The following LRBA variants were observed in gnomAD, a reference collection of about 807,000 sequenced individuals.
The protein encoded by LRBA is LPS responsive beige-like anchor protein.
LRBA carries 176 observed loss-of-function variants against 330.0 expected under a neutral mutation model. The ratio of observed to expected loss-of-function variants is 0.53; its 90% CI spans 0.47 to 0.60. The LOEUF is 0.60. LRBA is among the 20% of genes least tolerant of loss of function. LRBA has a pLI of 0.00. For missense variants in LRBA, 3,259 were observed against 3,444.8 expected (o/e 0.95, Z 1.35); for synonymous variants, 1,230 against 1,193.0 (o/e 1.03, Z -0.64).
intron 2 of LRBA, among the ~76,000 whole-genome samples, chr4:150,983,691 G>A (rs1292297157): frequency 6.6e-6 from 1 of 151,632 alleles, no homozygotes; most frequent in Non-Finnish European, 1.5e-5. Context: ...CTGTCCTCAG[G>A]TGATCCGCCT....
At chr4:150,287,161 C>T (rs985983276) in intron 53 of LRBA, among the ~76,000 whole-genome samples, 4 of 152,130 alleles carry the variant, frequency 2.6e-5, no homozygotes, top group Non-Finnish European at 5.9e-5. Context: ...GGAAGAGAAT[C>T]GCTTGTATCT....
At chr4:150,946,826 A>G (rs1195185137) in intron 2 of LRBA, among the ~76,000 whole-genome samples, 1 of 151,966 alleles carries the variant, frequency 6.6e-6, no homozygotes, top group Non-Finnish European at 1.5e-5. Flanking sequence ...AAAATTGACA[A>G]ACCTTGGCAG....
At chr4:150,994,216 T>C (rs1471973365) in intron 2 of LRBA, among the ~76,000 whole-genome samples, 1 of 151,952 alleles carries the variant, frequency 6.6e-6, no homozygotes, top group Non-Finnish European at 1.5e-5. Context: ...CCACCACCAC[T>C]ACCACTACCA....
Position 150,444,261 on chromosome 4 carries a change from C to T in LRBA, c.6781-7397G>A, listed in dbSNP as rs80352245. ...TTTTCTTTTCTATCTTTTCCATGAACCCAAATGAGAGCCCTTAATTTTCTG... is the reference window on the plus strand; with the variant it reads ...TTTTCTTTTCTATCTTTTCCATGAATCCAAATGAGAGCCCTTAATTTTCTG... On this transcript the variant is annotated intron_variant, in intron 44 of 56. Coordinates refer to ENST00000651943, the MANE Select transcript of LRBA (RefSeq NM_001364905.1). Among the ~76,000 whole-genome samples the T allele has an allele frequency of 1.5e-3, 231 of 151,986 alleles. 4 individuals are homozygous for T. The highest frequency in any genetic ancestry group is 5.5e-3 in the African/African-American group (226 of 41,448).
At chr4:150,288,578 G>A (rs1748458204) in intron 53 of LRBA, among the ~76,000 whole-genome samples, 1 of 152,128 alleles carries the variant, frequency 6.6e-6, no homozygotes, top group African/African-American at 2.4e-5. Context: ...AACAGAGCGA[G>A]ACTCCGTCTC....
At chr4:150,587,255 AAT>A (rs1772224586) in intron 40 of LRBA, among the ~76,000 whole-genome samples, 1 of 152,208 alleles carries the variant, frequency 6.6e-6, no homozygotes, top group Admixed American at 6.5e-5. Flanking sequence ...AAAAACTCAA[AAT>A]ATGTGTATGT....
At chr4:150,532,662 A>C (rs1215929483) in intron 40 of LRBA, among the ~76,000 whole-genome samples, 2 of 152,112 alleles carry the variant, frequency 1.3e-5, no homozygotes, top group Non-Finnish European at 2.9e-5. Context: ...TGCAAGCCCT[A>C]TTAGTGAAAA....
chr4:150,516,957 T>C (rs1762423366), intron 40 of LRBA, among the ~76,000 whole-genome samples: 1 of 152,176 alleles, frequency 6.6e-6, no homozygotes, highest in African/African-American at 2.4e-5. Context: ...AAATAAGACT[T>C]TGAAATCCAA....
intron 40 of LRBA, among the ~76,000 whole-genome samples, chr4:150,511,349 T>A (rs540858243): frequency 6.6e-6 from 1 of 152,376 alleles, no homozygotes; most frequent in Admixed American, 6.5e-5. Context: ...CTACTTCACT[T>A]GACTCTATCT....
intron 46 of LRBA, among the ~76,000 whole-genome samples, chr4:150,429,619 A>G (rs183037355): frequency 1.3e-5 from 2 of 152,284 alleles, no homozygotes; most frequent in Admixed American, 6.5e-5. Flanking sequence ...AGGGAGTCAG[A>G]TATCAGGAGA....
chr4:150,842,163 A>G (rs1373430310), intron 28 of LRBA, among the ~76,000 whole-genome samples: 2 of 152,216 alleles, frequency 1.3e-5, no homozygotes, highest in Non-Finnish European at 2.9e-5. Flanking sequence ...TTGTAATATA[A>G]TAACTGGTTA....
chr4:150,647,815 A>G (rs1779305862), intron 37 of LRBA, among the ~76,000 whole-genome samples: 1 of 152,002 alleles, frequency 6.6e-6, no homozygotes, highest in African/African-American at 2.4e-5. Flanking sequence ...AGACCCCTCC[A>G]TAATCGAGAT....
chr4:150,544,953 A>G (rs1018623419), intron 40 of LRBA, among the ~76,000 whole-genome samples: 2 of 152,208 alleles, frequency 1.3e-5, no homozygotes, highest in Non-Finnish European at 2.9e-5. Flanking sequence ...GTGAATCTGG[A>G]GTCAGAACCC....
At chr4:150,488,256 T>C (rs1581457811) in intron 41 of LRBA, among the ~76,000 whole-genome samples, 1 of 151,736 alleles carries the variant, frequency 6.6e-6, no homozygotes, top group African/African-American at 2.4e-5. Context: ...TTTAAGTTTA[T>C]GTAGTTAAAC....
chr4:150,838,552 C>T (rs1169410660), intron 28 of LRBA, among the ~76,000 whole-genome samples: 1 of 152,204 alleles, frequency 6.6e-6, no homozygotes, highest in Non-Finnish European at 1.5e-5. Context: ...GATCTTCAAT[C>T]ACTGACACCC....
intron 34 of LRBA, among the ~76,000 whole-genome samples, chr4:150,775,805 G>GAAAAAAAAAAAA (rs35161747): frequency 1.0e-4 from 6 of 59,980 alleles, no homozygotes; most frequent in Non-Finnish European, 1.3e-4. Flanking sequence ...AAGAAAGAAT[G>GAAAAAAAAAAAA]AAAAAAAAAA....
At chr4:150,325,303 G>A (rs947454257) in intron 49 of LRBA, among the ~76,000 whole-genome samples, 1 of 152,118 alleles carries the variant, frequency 6.6e-6, no homozygotes, top group Non-Finnish European at 1.5e-5. Context: ...ATACATGATT[G>A]TTTTAAGCCA....
chr4:150,538,549 T>C (rs563887393), intron 40 of LRBA, among the ~76,000 whole-genome samples: 19 of 152,092 alleles, frequency 1.2e-4, no homozygotes, highest in African/African-American at 4.3e-4. Context: ...GAAAACCAAA[T>C]ACCACATGTT....
At chr4:150,887,757 C>T (rs1178739946) in intron 17 of LRBA, among the ~76,000 whole-genome samples, 1 of 111,144 alleles carries the variant, frequency 9.0e-6, no homozygotes, top group African/African-American at 3.5e-5. Flanking sequence ...CAACAGAGCA[C>T]GACTCCGTCT....
Sources: gnomAD v4.1 joint callset for allele counts (sites outside exome capture counted in the v4.1 genomes callset) on GRCh38, gnomAD v4.1.1 for gene constraint, MANE v1.5 for transcripts, NCBI Gene and HGNC (gene_info 2026-07-23, HGNC 2026-07-21) for gene names.